Variants in CYP1A2 observed in about 807,000 individuals in gnomAD.
The protein encoded by CYP1A2 is cytochrome P450 family 1 subfamily A member 2.
CYP1A2 carries 35 observed loss-of-function variants against 34.7 expected under a neutral mutation model. The observed-to-expected ratio is 1.01, with a 90% CI of 0.77 to 1.34. The LOEUF is 1.34. Among genes scored for constraint, CYP1A2 ranks in the 40% most tolerant of loss-of-function variants. CYP1A2 has a pLI of 0.00. For synonymous variants in CYP1A2, 288 were observed against 281.9 expected (o/e 1.02, Z -0.22); for missense variants, 675 against 675.8 (o/e 1.00, Z 0.01).
In CYP1A2 at chr15:74,752,224, C is replaced by T. The variant is rs757220741; in HGVS notation, c.1143C>T (p.Phe381=). The T allele has an allele frequency of 3.1e-6, 5 of 1,614,082 alleles. No individual in the cohort carries two copies. Among genetic ancestry groups the T allele is most frequent in the Non-Finnish European group, 4.2e-6 (5 of 1,179,992 alleles). ...TGGAGACCTTCCGACACTCCTCCTTCTTGCCCTTCACCATCCCCCACAGGT... is the reference window on the plus strand; with the variant it reads ...TGGAGACCTTCCGACACTCCTCCTTTTTGCCCTTCACCATCCCCCACAGGT... ...FILETFRHSS[F]LPFTIPHSTT... Residue 381 remains phenylalanine, a synonymous_variant, in exon 5 of 7, where the codon TTC becomes TTT. Transcript: ENST00000343932.
Position 74,753,289 on chromosome 15 carries a change from C to A in CYP1A2, c.1253+19C>A, listed in dbSNP as rs771872995. On this transcript the variant is annotated intron_variant, in intron 6 of 6. Transcript: ENST00000343932. ...ATGACCCGTGAGTACATACCCCTCA[C>A]GAAAAAATGTGTGCAGGTTCAGCAG... The A allele has an allele frequency of 1.9e-6, 3 of 1,599,944 alleles. No individual in the cohort carries two copies. The highest frequency in any genetic ancestry group is 1.7e-5 in the Admixed American group (1 of 59,442).
chr15:74,751,712 G>T, intron 3 of CYP1A2, 53 bp from the exon 4 acceptor site: 2 of 1,547,590 alleles, frequency 1.3e-6, no homozygotes, highest in South Asian at 1.1e-5. Flanking sequence ...GGGAAATGAT[G>T]GTTTCCTTGT....
At position 74,750,136 on chromosome 15, in the gene CYP1A2, G is replaced by A. The variant is rs1476915394; in HGVS notation, c.398G>A (p.Trp133Ter). 8.1e-6 allele frequency: 13 copies of A among 1,614,046 alleles called. No homozygotes were observed. The South Asian group carries it at 1.2e-4, about 15-fold the overall frequency. Residue 133 changes from tryptophan (W) to a stop codon, truncating the protein, a stop_gained, in exon 2 of 7, where the codon TGG (tryptophan) becomes TAG (stop). Transcript: ENST00000343932. LOFTEE classifies it high-confidence loss of function. ...TTCAGCACAGACTCTGGACCGGTGT[G>A]GGCTGCCCGCCGGCGCCTGGCCCAG... ...LTFSTDSGPV[W>*]AARRRLAQNA...
chr15:74,754,452 A>G (rs566757199), intron 6 of CYP1A2, among the ~76,000 whole-genome samples: 1 of 148,982 alleles, frequency 6.7e-6, no homozygotes, highest in Admixed American at 6.7e-5. Flanking sequence ...AAAAAAATAC[A>G]AAAATTAGCC....
chr15:74,750,586 G>C lies in CYP1A2; in HGVS notation c.831+17G>C. 6.2e-7 allele frequency: 1 copy of C among 1,603,560 alleles called. No homozygotes were observed. The highest frequency in any genetic ancestry group is 1.3e-5 in the African/African-American group (1 of 74,680). On this transcript the variant is annotated intron_variant, in intron 2 of 6. Coordinates refer to ENST00000343932, the MANE Select transcript of CYP1A2 (RefSeq NM_000761.5). Reference sequence around the variant, plus strand: ...TTTGACAAGGTGAGCCCGGGGTGCAGGTGGCAAGGGGCACCTTGCAGGGCC... The same window carrying C: ...TTTGACAAGGTGAGCCCGGGGTGCACGTGGCAAGGGGCACCTTGCAGGGCC...
At position 74,754,826 on chromosome 15, in the gene CYP1A2, A is replaced by C. The variant is rs1468916294; in HGVS notation, c.1289A>C (p.Glu430Ala). The change falls in exon 7 of 7, where the codon GAG (glutamate) becomes GCG (alanine). Residue 430 changes from glutamate (E) to alanine (A), a missense_variant. Transcript: ENST00000343932. ...GAGGACCCCTCTGAGTTCCGGCCTG[A>C]GCGGTTCCTCACCGCCGATGGCACT... is the stretch of plus-strand genomic sequence containing the variant. ...LWEDPSEFRP[E>A]RFLTADGTAI... 1 of 1,613,872 alleles carries C rather than the reference A, an allele frequency of 6.2e-7. No individual in the cohort carries two copies. The highest frequency in any genetic ancestry group is 2.2e-5 in the East Asian group (1 of 44,886).
At chr15:74,753,677 T>C (rs1427592659) in intron 6 of CYP1A2, among the ~76,000 whole-genome samples, 1 of 149,658 alleles carries the variant, frequency 6.7e-6, no homozygotes, top group East Asian at 2.0e-4. Context: ...GAGGCTGCAG[T>C]GAGCCGAGAT....
Position 74,749,935 on chromosome 15 carries a change from C to G in CYP1A2, c.197C>G (p.Ser66Ter). The change falls in exon 2 of 7, where the codon TCA becomes TGA. Residue 66 changes from serine (S) to a stop codon, truncating the protein, a stop_gained. Transcript: ENST00000343932. LOFTEE classifies it high-confidence loss of function. Reference protein sequence around the residue: ...TLGKNPHLALSRMSQRYGDVL... With the variant: ...TLGKNPHLAL ...GGGAAGAACCCGCACCTGGCACTGTCAAGGATGAGCCAGCGCTACGGGGAC... is the reference window on the plus strand; with the variant it reads ...GGGAAGAACCCGCACCTGGCACTGTGAAGGATGAGCCAGCGCTACGGGGAC... The G allele has an allele frequency of 6.2e-7, 1 of 1,612,892 alleles. No homozygotes were observed. Among genetic ancestry groups the G allele is most frequent in the Non-Finnish European group, 8.5e-7 (1 of 1,179,064 alleles).
chr15:74,751,091 G>T lies in CYP1A2; in HGVS notation c.832-98G>T, dbSNP rs554701022. ...TAGAGACCAAGTTGGGAGGATAGGG[G>T]GGTACCCAGCCACCAGGTACAGGCC... On this transcript the variant is annotated intron_variant, in intron 2 of 6. Transcript: ENST00000343932. The T allele has an allele frequency of 4.8e-5, 73 of 1,515,968 alleles. No individual in the cohort carries two copies. In the South Asian group the frequency reaches 7.9e-4, roughly 16 times the overall value. 93.9% of individuals were successfully genotyped at this position (1,515,968 alleles called of 1,614,324 possible). A position where few individuals can be genotyped will look rare whatever the true frequency, so the allele number is the denominator to read the frequency against.
In CYP1A2 at chr15:74,750,006, C is replaced by A. The variant is rs556218799; in HGVS notation, c.268C>A (p.Arg90Ser). Residue 90 changes from arginine to serine, a missense_variant, in exon 2 of 7, where the codon CGC becomes AGC. Transcript: ENST00000343932. ...CTCCACGCCCGTGCTGGTGCTGAGCCGCCTGGACACCATCCGGCAGGCCCT... is the reference window on the plus strand; with the variant it reads ...CTCCACGCCCGTGCTGGTGCTGAGCAGCCTGGACACCATCCGGCAGGCCCT... ...IGSTPVLVLS[R>S]LDTIRQALVR... 1.2e-6 allele frequency: 2 copies of A among 1,614,064 alleles called. No individual in the cohort carries two copies. Among genetic ancestry groups the A allele is most frequent in the Non-Finnish European group, 8.5e-7 (1 of 1,180,004 alleles).
chr15:74,751,387 G>A, intron 3 of CYP1A2, 78 bp downstream of exon 3: 1 of 1,579,274 alleles, frequency 6.3e-7, no homozygotes, highest in Non-Finnish European at 8.6e-7. Context: ...CTCAGTCCAT[G>A]AAATAACCCA....
chr15:74,749,996 G>C lies in CYP1A2; in HGVS notation c.258G>C (p.Leu86=), dbSNP rs962518660. Residue 86 remains leucine (L), a synonymous_variant, in exon 2 of 7, where the codon CTG becomes CTC. Transcript: ENST00000343932. ...LQIRIGSTPV[L]VLSRLDTIRQ... is the part of the protein sequence containing the mutation. ...TCCGCATTGGCTCCACGCCCGTGCT[G>C]GTGCTGAGCCGCCTGGACACCATCC... 4 of 1,614,098 alleles carry C rather than the reference G, an allele frequency of 2.5e-6. No individual in the cohort carries two copies. The highest frequency in any genetic ancestry group is 3.4e-6 in the Non-Finnish European group (4 of 1,180,024).
Position 74,756,109 on chromosome 15 carries a change from C to G in CYP1A2, c.*1021C>G, listed in dbSNP as rs1329520963. 1 of 142,886 alleles carries G rather than the reference C, an allele frequency of 7.0e-6. No homozygotes were observed. Among genetic ancestry groups the G allele is most frequent in the African/African-American group, 2.5e-5 (1 of 40,452 alleles). The allele number at this position is 142,886 out of a possible 1,614,324, so 8.9% of individuals were successfully genotyped here. On this transcript the variant is annotated 3_prime_UTR_variant, in exon 7 of 7. Coordinates refer to ENST00000343932, the MANE Select transcript of CYP1A2 (RefSeq NM_000761.5). ...GGATTAACAGGTATGAACCACCGCG[C>G]CCAGCCTTTTTGTTTTTTTTTTTTT...
intron 6 of CYP1A2, among the ~76,000 whole-genome samples, chr15:74,753,689 G>A (rs2063326280): frequency 1.3e-5 from 2 of 150,462 alleles, no homozygotes; most frequent in African/African-American, 4.9e-5. Flanking sequence ...AGCCGAGATC[G>A]CTCCACTGCA....
At chr15:74,751,394 C>A (rs2063314983) in intron 3 of CYP1A2, 85 bp downstream of exon 3, 1 of 1,557,784 alleles carries the variant, frequency 6.4e-7, no homozygotes, top group Non-Finnish European at 8.7e-7. Context: ...CATGAAATAA[C>A]CCACCAACCC....
rs185915507 is a variant in CYP1A2 at position 74,751,615 on chromosome 15, G to A, written c.953-150G>A. The A allele has an allele frequency of 5.7e-4, 473 of 830,488 alleles. 3 individuals are homozygous for A. The African/African-American group carries it at 7.5e-3, about 13-fold the overall frequency. The allele number at this position is 830,488 out of a possible 1,614,324, so 51.4% of individuals were successfully genotyped here. A position where few individuals can be genotyped will look rare whatever the true frequency, so the allele number is the denominator to read the frequency against. On this transcript the variant is annotated intron_variant, in intron 3 of 6. Transcript: ENST00000343932. ...TCTGAAACCTGTATCTCAAGTTTATGTTGAAGAGACCCAGCCTCTGTCTTC... is the reference window on the plus strand; with the variant it reads ...TCTGAAACCTGTATCTCAAGTTTATATTGAAGAGACCCAGCCTCTGTCTTC...
chr15:74,751,379 C>T, intron 3 of CYP1A2, 70 bp downstream of exon 3: 1 of 1,592,560 alleles, frequency 6.3e-7, no homozygotes, highest in Non-Finnish European at 8.6e-7. Context: ...CCCAGCCCCT[C>T]AGTCCATGAA....
rs1283933990 is a variant in CYP1A2 at position 74,755,103 on chromosome 15, T to C, written c.*15T>C. ...CCATCAATTGAAGAAGACACCACCA[T>C]TCTGAGGCCAGGGAGCGAGTGGGGG... On this transcript the variant is annotated 3_prime_UTR_variant, in exon 7 of 7. Transcript: ENST00000343932. The C allele has an allele frequency of 1.3e-6, 2 of 1,593,574 alleles. No homozygotes were observed. The highest frequency in any genetic ancestry group is 1.7e-5 in the Admixed American group (1 of 59,788).
At chr15:74,752,026 G>A in intron 4 of CYP1A2, 98 bp from the exon 5 acceptor site, 1 of 1,569,118 alleles carries the variant, frequency 6.4e-7, no homozygotes, top group African/African-American at 1.4e-5. Context: ...CTTGTGAATA[G>A]ACAGTCTTAC....
Sources: allele counts gnomAD v4.1 joint callset (sites outside exome capture counted in the v4.1 genomes callset), GRCh38; gene constraint gnomAD v4.1.1; transcripts MANE v1.5; gene names NCBI Gene and HGNC (gene_info 2026-07-23, HGNC 2026-07-21).